PTPRM: variants seen among roughly 807,000 people sequenced by gnomAD.
PTPRM encodes protein tyrosine phosphatase receptor type M.
Under a neutral mutation model 186.7 loss-of-function variants are expected in PTPRM, and 47 were observed. That is an observed-to-expected ratio of 0.25 (90% CI 0.20 to 0.32). The LOEUF is 0.32. Ranked by LOEUF, PTPRM falls within the 10% of genes least tolerant of loss-of-function variation. The pLI is 1.00. For missense variants in PTPRM, 1,494 were observed against 1,865.0 expected, an observed-to-expected ratio of 0.80 and a Z score of 3.66; for synonymous variants, 668 against 674.9, an observed-to-expected ratio of 0.99 and a Z score of 0.16.
chr18:8,336,436 A>C (rs2095439335), intron 22 of PTPRM, among the ~76,000 whole-genome samples: 1 of 151,946 alleles, frequency 6.6e-6, no homozygotes, highest in South Asian at 2.1e-4. Flanking sequence ...CCTGTGGTCC[A>C]AGCTACTCAG....
At chr18:8,214,411 G>A (rs1448270521) in intron 14 of PTPRM, among the ~76,000 whole-genome samples, 1 of 152,136 alleles carries the variant, frequency 6.6e-6, no homozygotes, top group South Asian at 2.1e-4. Flanking sequence ...TTGAAAATTT[G>A]AGCAATGGTG....
chr18:7,614,861 ACTT>A (rs59582133), intron 1 of PTPRM, among the ~76,000 whole-genome samples: 15,135 of 152,058 alleles, frequency 0.1, 1,459 homozygotes, highest in East Asian at 0.42. Context: ...CTATGAATAA[ACTT>A]CATTCTAATA....
At chr18:8,387,046 C>T in intron 30 of PTPRM, 26 bp from the exon 31 acceptor site, 1 of 1,564,326 alleles carries the variant, frequency 6.4e-7, no homozygotes, top group Non-Finnish European at 8.8e-7. Context: ...CTTTCCACTC[C>T]CCGATTGTTG....
intron 11 of PTPRM, among the ~76,000 whole-genome samples, chr18:8,101,862 A>T (rs182043218): frequency 2.1e-4 from 32 of 152,318 alleles, no homozygotes; most frequent in Admixed American, 1.6e-3. Context: ...CAGAACCAAG[A>T]TGGTTACACC....
intron 5 of PTPRM, chr18:7,946,929 C>A (rs946901153): frequency 2.2e-6 from 1 of 456,082 alleles, no homozygotes; most frequent in Non-Finnish European, 4.4e-6. Flanking sequence ...CTAGCCCAGC[C>A]CCTTCTTTGG....
At chr18:7,954,636 A>G (rs929524899) in intron 6 of PTPRM, among the ~76,000 whole-genome samples, 8 of 152,200 alleles carry the variant, frequency 5.3e-5, no homozygotes, top group African/African-American at 1.7e-4. Flanking sequence ...TAGAGCTTAA[A>G]TACTACTACT....
At chr18:8,370,740 G>A (rs1348716370) in intron 23 of PTPRM, 150 bp from the exon 24 acceptor site, 2 of 526,428 alleles carry the variant, frequency 3.8e-6, no homozygotes, top group African/African-American at 3.9e-5. Context: ...TAAAAACACA[G>A]GTGATCTACA....
chr18:7,993,795 T>C (rs2083387942), intron 7 of PTPRM, among the ~76,000 whole-genome samples: 1 of 152,012 alleles, frequency 6.6e-6, no homozygotes, highest in Non-Finnish European at 1.5e-5. Flanking sequence ...ATATATAACT[T>C]ATTGAAAGAG....
At chr18:7,990,586 A>G (rs1300265934) in intron 7 of PTPRM, among the ~76,000 whole-genome samples, 1 of 152,156 alleles carries the variant, frequency 6.6e-6, no homozygotes, top group Admixed American at 6.5e-5. Flanking sequence ...TATTTTTATG[A>G]TTCAGGAGTT....
chr18:8,144,767 C>T (rs1349654836), intron 14 of PTPRM, among the ~76,000 whole-genome samples: 3 of 152,106 alleles, frequency 2.0e-5, no homozygotes, highest in Non-Finnish European at 2.9e-5. Flanking sequence ...ATAAAATCTT[C>T]GATTTATGTA....
At chr18:7,730,236 A>G (rs754201721) in intron 1 of PTPRM, among the ~76,000 whole-genome samples, 5 of 141,658 alleles carry the variant, frequency 3.5e-5, no homozygotes, top group Non-Finnish European at 5.9e-5. Context: ...AAAATGAGCT[A>G]TGTCATGTTC....
chr18:7,984,078 A>G (rs920665333), intron 7 of PTPRM, among the ~76,000 whole-genome samples: 6 of 152,182 alleles, frequency 3.9e-5, no homozygotes, highest in Non-Finnish European at 8.8e-5. Flanking sequence ...TTTACATAAT[A>G]GTCTCCAAAT....
chr18:7,637,649 A>G (rs1347480267), intron 1 of PTPRM, among the ~76,000 whole-genome samples: 1 of 152,194 alleles, frequency 6.6e-6, no homozygotes, highest in Non-Finnish European at 1.5e-5. Flanking sequence ...TTTGGGGGAT[A>G]TAGTAGGTTC....
intron 29 of PTPRM, 138 bp from the exon 30 acceptor site, chr18:8,384,423 A>ACT: frequency 1.1e-6 from 1 of 952,198 alleles, no homozygotes; most frequent in East Asian, 2.6e-5. Context: ...GCACCACTGC[A>ACT]CTCTAGCTGG....
intron 2 of PTPRM, among the ~76,000 whole-genome samples, chr18:7,802,601 A>G (rs936379065): frequency 9.2e-5 from 14 of 152,198 alleles, no homozygotes; most frequent in African/African-American, 3.4e-4. Context: ...GTTATTACAA[A>G]TGTGTAGTAT....
At chr18:8,063,867 A>G (rs2088831045) in intron 7 of PTPRM, among the ~76,000 whole-genome samples, 2 of 152,202 alleles carry the variant, frequency 1.3e-5, no homozygotes, top group Admixed American at 6.5e-5. Context: ...TTTTAAATGT[A>G]CTAGCCAAAC....
intron 5 of PTPRM, among the ~76,000 whole-genome samples, chr18:7,933,332 A>G (rs2051600331): frequency 6.6e-6 from 1 of 152,180 alleles, no homozygotes; most frequent in Non-Finnish European, 1.5e-5. Flanking sequence ...ACAGTAAGAA[A>G]GAATCTTCTA....
At chr18:7,998,275 G>A (rs2083659816) in intron 7 of PTPRM, among the ~76,000 whole-genome samples, 1 of 151,950 alleles carries the variant, frequency 6.6e-6, no homozygotes, top group Non-Finnish European at 1.5e-5. Context: ...AAACAAGGCA[G>A]GCACAGAATC....
At chr18:8,240,818 GAGAGAGAGAAAGAA>G (rs2094424664) in intron 14 of PTPRM, among the ~76,000 whole-genome samples, 12 of 32,744 alleles carry the variant, frequency 3.7e-4, no homozygotes, top group African/African-American at 1.1e-3. Context: ...GAGAGAGAGA[GAGAGAGAGAAAGAA>G]AGAAAGAAAG....
Sources: gnomAD v4.1 joint callset for allele counts (sites outside exome capture counted in the v4.1 genomes callset) on GRCh38, gnomAD v4.1.1 for gene constraint, MANE v1.5 for transcripts, NCBI Gene and HGNC (gene_info 2026-07-23, HGNC 2026-07-21) for gene names.